The following SNAPC1 variants were observed in gnomAD, a reference collection of about 807,000 sequenced individuals.
SNAPC1 encodes small nuclear RNA activating complex polypeptide 1.
Under a neutral mutation model 50.1 loss-of-function variants are expected in SNAPC1, and 42 were observed. The ratio of observed to expected loss-of-function variants is 0.84; its 90% CI spans 0.65 to 1.08. The LOEUF is 1.08. Among genes scored for constraint, SNAPC1 ranks in the 50% least tolerant of loss-of-function variants. The pLI, the probability that SNAPC1 is intolerant of heterozygous loss-of-function variation, is 0.00. For synonymous variants in SNAPC1, 164 were observed against 144.2 expected, an observed-to-expected ratio of 1.14 and a Z score of -0.98; for missense variants, 477 against 427.3, an observed-to-expected ratio of 1.12 and a Z score of -1.02.
chr14:61,780,096 T>G (rs2045061389), intron 7 of SNAPC1, among the ~76,000 whole-genome samples: 1 of 152,194 alleles, frequency 6.6e-6, no homozygotes, highest in Non-Finnish European at 1.5e-5. Flanking sequence ...GGAGCTTATC[T>G]AACCTCTAGA....
rs1197883874 is a variant in SNAPC1 at position 61,776,260 on chromosome 14, A to G, written c.693+7A>G. The G allele has an allele frequency of 6.2e-7, 1 of 1,608,218 alleles. No individual in the cohort carries two copies. The highest frequency in any genetic ancestry group is 1.3e-5 in the African/African-American group (1 of 74,706). On this transcript the variant is annotated splice_region_variant and intron_variant, in intron 5 of 9. Transcript: ENST00000216294. The stretch of plus-strand genomic sequence containing the variant: ...GTGGCACAAAGACAGAAAGGTATGC[A>G]ATCACTTGTTTGGTGCCTCACCATT...
intron 3 of SNAPC1, 27 bp downstream of exon 3, chr14:61,767,379 T>C: frequency 1.5e-6 from 2 of 1,378,726 alleles, no homozygotes; most frequent in Non-Finnish European, 1.9e-6. Flanking sequence ...AATTTGGTTT[T>C]TTCAAAATGA....
intron 4 of SNAPC1, 72 bp from the exon 5 acceptor site, chr14:61,776,021 ATT>A: frequency 8.5e-7 from 1 of 1,170,324 alleles, no homozygotes. Context: ...GAAGGTGACT[ATT>A]TTGTGTTGGT....
intron 3 of SNAPC1, among the ~76,000 whole-genome samples, 171 bp from the exon 4 acceptor site, chr14:61,768,465 A>G (rs988728481): frequency 1.3e-5 from 2 of 152,226 alleles, no homozygotes; most frequent in African/African-American, 2.4e-5. Context: ...AGGATACTTC[A>G]CAAGTCTAAC....
intron 4 of SNAPC1, among the ~76,000 whole-genome samples, chr14:61,774,617 G>A (rs1294089105): frequency 6.9e-6 from 1 of 144,970 alleles, no homozygotes; most frequent in African/African-American, 2.6e-5. Context: ...GCATATATGA[G>A]CACTCACTCA....
chr14:61,765,828 G>A (rs531110866), intron 1 of SNAPC1, among the ~76,000 whole-genome samples: 1 of 152,298 alleles, frequency 6.6e-6, no homozygotes, highest in South Asian at 2.1e-4. Flanking sequence ...GTATGCTGGA[G>A]TATGCTCTTC....
At chr14:61,785,262 C>A (rs2045106746) in intron 8 of SNAPC1, among the ~76,000 whole-genome samples, 1 of 152,082 alleles carries the variant, frequency 6.6e-6, no homozygotes, top group African/African-American at 2.4e-5. Flanking sequence ...ACTAGCTGGG[C>A]TTGGTGGCAC....
intron 1 of SNAPC1, among the ~76,000 whole-genome samples, chr14:61,762,984 T>TG (rs2044918721): frequency 9.6e-6 from 1 of 103,672 alleles, no homozygotes; most frequent in Non-Finnish European, 2.1e-5. Flanking sequence ...AAGTTGTCTT[T>TG]TTTTTTTTTT....
chr14:61,771,221 C>T (rs550592721), intron 4 of SNAPC1, among the ~76,000 whole-genome samples: 10 of 151,562 alleles, frequency 6.6e-5, no homozygotes, highest in Non-Finnish European at 1.3e-4. Context: ...TGTTTTACTT[C>T]TACAACATTT....
intron 8 of SNAPC1, among the ~76,000 whole-genome samples, chr14:61,785,476 A>T (rs2045108584): frequency 6.6e-6 from 1 of 152,188 alleles, no homozygotes; most frequent in Non-Finnish European, 1.5e-5. Context: ...TCTAATGTCT[A>T]CTGAGACCCC....
At chr14:61,768,491 G>A in intron 3 of SNAPC1, 145 bp from the exon 4 acceptor site, 1 of 539,070 alleles carries the variant, frequency 1.9e-6, no homozygotes, top group Non-Finnish European at 3.3e-6. Flanking sequence ...TTGGAACGTG[G>A]ATATTTAACA....
At chr14:61,794,448 C>G (rs140457267) in intron 9 of SNAPC1, among the ~76,000 whole-genome samples, 1 of 152,252 alleles carries the variant, frequency 6.6e-6, no homozygotes, top group South Asian at 2.1e-4. Context: ...CTCTGTCGTC[C>G]AGGCTGGAGT....
At chr14:61,763,432 C>T (rs1219179808) in intron 1 of SNAPC1, among the ~76,000 whole-genome samples, 2 of 151,498 alleles carry the variant, frequency 1.3e-5, no homozygotes, top group African/African-American at 4.8e-5. Flanking sequence ...GCCTATCTCT[C>T]CAGCTTCGCC....
chr14:61,789,804 G>A (rs10137234), intron 8 of SNAPC1, among the ~76,000 whole-genome samples: 53,465 of 152,046 alleles, frequency 0.35, 9,947 homozygotes, highest in African/African-American at 0.46. Context: ...GGGGGAGTCA[G>A]CTGAAACTTT....
intron 1 of SNAPC1, among the ~76,000 whole-genome samples, chr14:61,763,358 C>T (rs190323287): frequency 7.9e-5 from 12 of 152,144 alleles, no homozygotes; most frequent in Admixed American, 7.9e-4. Flanking sequence ...TGTAGTGGTG[C>T]CCATTGCCTT....
chr14:61,786,071 G>T (rs1566592717), intron 8 of SNAPC1, among the ~76,000 whole-genome samples: 2 of 152,026 alleles, frequency 1.3e-5, no homozygotes, highest in East Asian at 1.9e-4. Flanking sequence ...ATGCAAGAGG[G>T]AACACTTTGC....
chr14:61,764,011 T>A (rs1338875723), intron 1 of SNAPC1, among the ~76,000 whole-genome samples: 2 of 152,186 alleles, frequency 1.3e-5, no homozygotes, highest in Non-Finnish European at 2.9e-5. Context: ...CTCCTATCAC[T>A]GCAACCTCCA....
chr14:61,781,781 T>TA (rs578135923), intron 7 of SNAPC1, among the ~76,000 whole-genome samples: 308 of 152,330 alleles, frequency 2.0e-3, no homozygotes, highest in Non-Finnish European at 3.7e-3. Context: ...CCATGATACA[T>TA]ACCACATACC....
chr14:61,793,844 T>C (rs1445325617), intron 9 of SNAPC1, among the ~76,000 whole-genome samples: 1 of 151,938 alleles, frequency 6.6e-6, no homozygotes, highest in African/African-American at 2.4e-5. Context: ...TTTGTAGAGA[T>C]GGGGTTTCAC....
Sources: gnomAD v4.1 joint callset for allele counts (sites outside exome capture counted in the v4.1 genomes callset) on GRCh38, gnomAD v4.1.1 for gene constraint, MANE v1.5 for transcripts, NCBI Gene and HGNC (gene_info 2026-07-23, HGNC 2026-07-21) for gene names.